Variants in DDAH1 observed in about 807,000 individuals in gnomAD.
The protein encoded by DDAH1 is dimethylarginine dimethylaminohydrolase 1.
In DDAH1, 19 loss-of-function variants were observed where a neutral mutation model predicts 28.8. That is an observed-to-expected ratio of 0.66 (90% CI 0.46 to 0.97). The LOEUF (loss-of-function observed/expected upper bound fraction) is 0.97, where lower values mean the gene tolerates loss of function less well. DDAH1 is among the 50% of genes least tolerant of loss of function. The pLI, the probability that DDAH1 is intolerant of heterozygous loss-of-function variation, is 0.00. For missense variants in DDAH1, 326 were observed against 375.9 expected, an observed-to-expected ratio of 0.87 and a Z score of 1.10; for synonymous variants, 153 against 154.4, an observed-to-expected ratio of 0.99 and a Z score of 0.07.
At chr1:85,342,709 G>A (rs1648580048) in intron 4 of DDAH1, among the ~76,000 whole-genome samples, 1 of 152,152 alleles carries the variant, frequency 6.6e-6, no homozygotes, top group South Asian at 2.1e-4. Context: ...GCACCTGTAT[G>A]ACAAAAACGT....
chr1:85,412,101 G>T (rs1652677100), intron 1 of DDAH1, among the ~76,000 whole-genome samples: 1 of 152,152 alleles, frequency 6.6e-6, no homozygotes, highest in Non-Finnish European at 1.5e-5. Context: ...CAATGGCAGA[G>T]AAAAGAATAT....
rs542034686 is a variant in DDAH1 at position 85,389,268 on chromosome 1, AAAAAAT to A, written c.304-30427_304-30422del. 2.4e-4 allele frequency among the ~76,000 whole-genome samples: 37 copies of A among 152,338 alleles called. No homozygotes were observed. The South Asian group carries it at 7.3e-3, about 30-fold the overall frequency. On this transcript the variant is annotated intron_variant, in intron 1 of 5. Coordinates refer to ENST00000284031, the MANE Select transcript of DDAH1 (RefSeq NM_012137.4). Reference sequence around the variant, plus strand: ...AAACAAACAAACAAAAACAAACTGGAAAAAATAAAAATAAAAGTTGTTTTTATCTCA... The same window carrying A: ...AAACAAACAAACAAAAACAAACTGGAAAAAATAAAAGTTGTTTTTATCTCA...
intron 1 of DDAH1, among the ~76,000 whole-genome samples, chr1:85,510,087 G>A (rs755256692): frequency 3.9e-5 from 6 of 152,126 alleles, no homozygotes; most frequent in Non-Finnish European, 8.8e-5. Context: ...AAGTGTTAAG[G>A]GCAGCCGAAG....
chr1:85,577,919 T>G, intron 1 of DDAH1: 2 of 948,044 alleles, frequency 2.1e-6, no homozygotes, highest in Non-Finnish European at 2.5e-6. Flanking sequence ...GGCACCCGTA[T>G]GGGGAGGGTG....
intron 1 of DDAH1, among the ~76,000 whole-genome samples, chr1:85,499,223 T>C (rs1267732537): frequency 6.6e-6 from 1 of 152,164 alleles, no homozygotes; most frequent in African/African-American, 2.4e-5. Flanking sequence ...ATATATATTT[T>C]TAATTTCATT....
chr1:85,499,264 C>T (rs1656711192), intron 1 of DDAH1, among the ~76,000 whole-genome samples: 1 of 152,152 alleles, frequency 6.6e-6, no homozygotes, highest in Admixed American at 6.5e-5. Context: ...TACTATACCA[C>T]AATAACTTTA....
At chr1:85,553,418 C>G (rs1308334910) in intron 1 of DDAH1, among the ~76,000 whole-genome samples, 1 of 152,210 alleles carries the variant, frequency 6.6e-6, no homozygotes, top group Non-Finnish European at 1.5e-5. Flanking sequence ...GAGTCAAAAT[C>G]ACTGTTCAAG....
intron 1 of DDAH1, among the ~76,000 whole-genome samples, chr1:85,561,654 T>A (rs1462147408): frequency 6.6e-6 from 1 of 152,180 alleles, no homozygotes; most frequent in African/African-American, 2.4e-5. Context: ...GAAAGTCACA[T>A]TTAAAATTAA....
At chr1:85,418,604 C>T (rs1652990180) in intron 1 of DDAH1, among the ~76,000 whole-genome samples, 2 of 152,178 alleles carry the variant, frequency 1.3e-5, no homozygotes, top group African/African-American at 4.8e-5. Flanking sequence ...GTTAAATGCT[C>T]GTTTGCAGAG....
chr1:85,466,092 T>C (rs1655367995), upstream of DDAH1, among the ~76,000 whole-genome samples: 1 of 152,228 alleles, frequency 6.6e-6, no homozygotes, highest in African/African-American at 2.4e-5. Context: ...TAGGAAACTC[T>C]GGATTTCTAG....
chr1:85,452,790 C>G (rs1414470649), intron 1 of DDAH1, among the ~76,000 whole-genome samples: 1 of 152,186 alleles, frequency 6.6e-6, no homozygotes, highest in Non-Finnish European at 1.5e-5. Flanking sequence ...TGGAGGTGAT[C>G]ACAGGCTGAA....
intron 1 of DDAH1, among the ~76,000 whole-genome samples, chr1:85,565,196 C>G (rs999403129): frequency 7.6e-6 from 1 of 131,020 alleles, no homozygotes; most frequent in African/African-American, 3.0e-5. Context: ...AACGAGACTC[C>G]GTTAAAAAAA....
intron 1 of DDAH1, among the ~76,000 whole-genome samples, chr1:85,437,211 A>G (rs1377899872): frequency 6.6e-6 from 1 of 152,174 alleles, no homozygotes; most frequent in Non-Finnish European, 1.5e-5. Flanking sequence ...GCCATACTGG[A>G]GAGACCACAT....
intron 1 of DDAH1, among the ~76,000 whole-genome samples, chr1:85,519,346 G>A (rs1238590145): frequency 1.3e-5 from 2 of 152,072 alleles, no homozygotes; most frequent in African/African-American, 2.4e-5. Context: ...TCCGCCCGCC[G>A]TGGCGTGAGC....
chr1:85,390,236 CG>C (rs1200823125), intron 1 of DDAH1, among the ~76,000 whole-genome samples: 2 of 152,088 alleles, frequency 1.3e-5, no homozygotes, highest in Admixed American at 1.3e-4. Context: ...CAGCTTTATC[CG>C]GGGTCCCTTG....
Position 85,318,733 on chromosome 1 carries a change from T to A in DDAH1, c.*2719A>T, listed in dbSNP as rs969136707. 1.2e-4 allele frequency: 19 copies of A among 152,608 alleles called. No homozygotes were observed. The highest frequency in any genetic ancestry group is 4.6e-4 in the African/African-American group (19 of 41,442). 9.5% of individuals were successfully genotyped at this position (152,608 alleles called of 1,614,324 possible). A position where few individuals can be genotyped will look rare whatever the true frequency, so the allele number is the denominator to read the frequency against. ...TGGAGAAAGTTAAAGTGTAAATAAT[T>A]ACAAAGACTGACATGCAACTCTTTA... is the stretch of plus-strand genomic sequence containing the variant. On this transcript the variant is annotated 3_prime_UTR_variant, in exon 6 of 6. Coordinates refer to ENST00000284031, the MANE Select transcript of DDAH1 (RefSeq NM_012137.4).
chr1:85,394,576 T>G (rs1435615599), intron 1 of DDAH1, among the ~76,000 whole-genome samples: 1 of 152,216 alleles, frequency 6.6e-6, no homozygotes, highest in African/African-American at 2.4e-5. Flanking sequence ...TAAAACAGTG[T>G]GTCTTCTGAC....
chr1:85,330,316 C>T (rs1647682531), intron 4 of DDAH1, among the ~76,000 whole-genome samples: 2 of 152,202 alleles, frequency 1.3e-5, no homozygotes, highest in African/African-American at 2.4e-5. Flanking sequence ...GGTTCTGTTT[C>T]CCCTTTGTGG....
chr1:85,531,258 AC>A lies in DDAH1; in HGVS notation c.-122-34978del, dbSNP rs200746280. ...CTGACTTCTTAGGCCTAAACATACT[AC>A]ACATTTAACCCCATCTGAGACATAG... On this transcript the variant is annotated intron_variant, in intron 1 of 6. Coordinates refer to the DDAH1 transcript ENST00000426972. 3.4e-4 allele frequency among the ~76,000 whole-genome samples: 51 copies of A among 152,074 alleles called. 1 individual carries two copies. In the East Asian group the frequency reaches 9.3e-3, roughly 28 times the overall value.
Sources: gnomAD v4.1 joint callset for allele counts (sites outside exome capture counted in the v4.1 genomes callset) on GRCh38, gnomAD v4.1.1 for gene constraint, MANE v1.5 for transcripts, NCBI Gene and HGNC (gene_info 2026-07-23, HGNC 2026-07-21) for gene names.